RABGEF1: variants seen among roughly 807,000 people sequenced by gnomAD.
RABGEF1 encodes the protein RAB guanine nucleotide exchange factor 1, also known as rab5 GDP/GTP exchange factor.
A neutral mutation model predicts 57.3 loss-of-function variants in RABGEF1; 26 were observed. The ratio of observed to expected loss-of-function variants is 0.45; its 90% CI spans 0.33 to 0.63. RABGEF1 has a LOEUF of 0.63. Among genes scored for constraint, RABGEF1 ranks in the 20% least tolerant of loss-of-function variants. The probability of loss-of-function intolerance (pLI) is 0.02; values close to 1 mark genes in which losing one functional copy is unlikely to be tolerated. For missense variants in RABGEF1, 464 were observed against 607.6 expected, an observed-to-expected ratio of 0.76 and a Z score of 2.48; for synonymous variants, 185 against 210.7, an observed-to-expected ratio of 0.88 and a Z score of 1.06.
At chr7:66,781,064 C>A (rs1183397548) in intron 3 of RABGEF1, among the ~76,000 whole-genome samples, 1 of 151,930 alleles carries the variant, frequency 6.6e-6, no homozygotes, top group African/African-American at 2.4e-5. Flanking sequence ...AAGGTTTACC[C>A]CTGCCATCTT....
intron 3 of RABGEF1, among the ~76,000 whole-genome samples, chr7:66,779,417 C>T (rs1239096438): frequency 6.6e-6 from 1 of 151,252 alleles, no homozygotes; most frequent in Non-Finnish European, 1.5e-5. Context: ...GGCAGGAGAA[C>T]TGTTTGAACC....
intron 2 of RABGEF1, among the ~76,000 whole-genome samples, chr7:66,721,227 G>A (rs1205790763): frequency 2.0e-5 from 3 of 152,154 alleles, no homozygotes; most frequent in Non-Finnish European, 4.4e-5. Flanking sequence ...CCAAAAGAAA[G>A]CCATTAATAA....
intron 1 of RABGEF1, among the ~76,000 whole-genome samples, chr7:66,750,420 A>C (rs2129060439): frequency 6.6e-6 from 1 of 152,292 alleles, no homozygotes; most frequent in African/African-American, 2.4e-5. Context: ...TGTTGAGTAG[A>C]TATTACTTTC....
At chr7:66,807,346 C>A (rs1359626908) in intron 8 of RABGEF1, among the ~76,000 whole-genome samples, 1 of 152,228 alleles carries the variant, frequency 6.6e-6, no homozygotes, top group Non-Finnish European at 1.5e-5. Flanking sequence ...TCCTTCGCTT[C>A]TCATAGCACT....
chr7:66,775,230 C>G lies in RABGEF1; in HGVS notation c.183C>G (p.Leu61=), dbSNP rs764063500. 1.2e-6 allele frequency: 2 copies of G among 1,612,270 alleles called. No homozygotes were observed. Among genetic ancestry groups the G allele is most frequent in the East Asian group, 2.2e-5 (1 of 44,856 alleles). Residue 61 remains leucine, a synonymous_variant, in exon 3 of 9, where the codon CTC becomes CTG. Transcript: ENST00000284957. ...CTAATCCTCTCTTGAATTGCAGACT[C>G]CAGCGGGAGGAAGAAGAGGCCTTTG... ...IQEDWELAER[L]QREEEEAFAS... is the part of the protein sequence containing the mutation.
chr7:66,707,077 G>T (rs142233426), intron 1 of RABGEF1, among the ~76,000 whole-genome samples: 2 of 152,254 alleles, frequency 1.3e-5, no homozygotes, highest in African/African-American at 4.8e-5. Context: ...GAGCCACCGC[G>T]CCCGGCCCGT....
At chr7:66,770,246 T>C (rs1360607942) in intron 1 of RABGEF1, 1 of 152,222 alleles carries the variant, frequency 6.6e-6, no homozygotes, top group African/African-American at 2.4e-5. Context: ...GATATAGGGC[T>C]TAATTTTATC....
the RABGEF1 span, among the ~76,000 whole-genome samples, chr7:66,657,833 T>G: frequency 1.3e-5 from 2 of 151,160 alleles, no homozygotes; most frequent in Admixed American, 1.3e-4. Flanking sequence ...AAAAAATCAA[T>G]AAAAATAAAA....
chr7:66,774,218 C>T (rs1807958573), intron 2 of RABGEF1, among the ~76,000 whole-genome samples: 1 of 152,164 alleles, frequency 6.6e-6, no homozygotes, highest in Non-Finnish European at 1.5e-5. Context: ...TTGAATTTTA[C>T]CTTTTGTACT....
chr7:66,705,170 G>T (rs1793829594), intron 1 of RABGEF1, among the ~76,000 whole-genome samples: 1 of 152,118 alleles, frequency 6.6e-6, no homozygotes, highest in African/African-American at 2.4e-5. Flanking sequence ...GGAGGCCGAG[G>T]CAGGCATATC....
intron 6 of RABGEF1, among the ~76,000 whole-genome samples, chr7:66,798,662 CCTCAG>C (rs1786596525): frequency 6.6e-6 from 1 of 152,128 alleles, no homozygotes; most frequent in Non-Finnish European, 1.5e-5. Flanking sequence ...CTCCAGTGTG[CCTCAG>C]AAGTTGAGGG....
chr7:66,687,482 C>T (rs1043271937), intron 1 of RABGEF1, among the ~76,000 whole-genome samples: 3 of 86,928 alleles, frequency 3.5e-5, no homozygotes, highest in Non-Finnish European at 7.5e-5. Flanking sequence ...GTTGTTTAAG[C>T]CAAAAAAAAA....
In RABGEF1 at chr7:66,809,276, G is replaced by A; in HGVS notation, c.1468G>A (p.Ala490Thr). Residue 490 changes from alanine to threonine, a missense_variant, in exon 9 of 9, where the codon GCA becomes ACA. By Grantham distance (58) the Ala-to-Thr change is moderately conservative (BLOSUM62 0). Coordinates refer to ENST00000284957, the MANE Select transcript of RABGEF1 (RefSeq NM_014504.3). ...LPPPLQPQVY[A>T]G ...TCCACCACTGCAACCTCAAGTTTAT[G>A]CAGGATGATCACAATTTAGTGGAGA... is the stretch of plus-strand genomic sequence containing the variant. The A allele has an allele frequency of 6.2e-7, 1 of 1,606,784 alleles. No homozygotes were observed. Among genetic ancestry groups the A allele is most frequent in the Non-Finnish European group, 8.5e-7 (1 of 1,175,068 alleles).
chr7:66,764,674 A>G (rs1805261100), intron 1 of RABGEF1, among the ~76,000 whole-genome samples: 3 of 152,200 alleles, frequency 2.0e-5, no homozygotes, highest in Admixed American at 6.5e-5. Flanking sequence ...GTTCTTTTGC[A>G]TGTGGCTATC....
chr7:66,717,370 G>C (rs574758015), intron 2 of RABGEF1, among the ~76,000 whole-genome samples: 55 of 152,246 alleles, frequency 3.6e-4, no homozygotes, highest in African/African-American at 1.3e-3. Context: ...TATAAACATT[G>C]AAATTCCATT....
chr7:66,773,475 C>T (rs1205950107), intron 2 of RABGEF1, among the ~76,000 whole-genome samples: 7 of 152,166 alleles, frequency 4.6e-5, no homozygotes, highest in Admixed American at 4.6e-4. Flanking sequence ...AATTGTGACC[C>T]TGCTAAATCT....
At chr7:66,715,082 T>A (rs541199693) in intron 2 of RABGEF1, among the ~76,000 whole-genome samples, 5 of 151,690 alleles carry the variant, frequency 3.3e-5, no homozygotes, top group Non-Finnish European at 7.4e-5. Context: ...TCTTTCTCTT[T>A]CTCCTCCTTC....
chr7:66,788,138 TGCA>T (rs1241795648), intron 4 of RABGEF1, among the ~76,000 whole-genome samples: 1 of 152,196 alleles, frequency 6.6e-6, no homozygotes, highest in African/African-American at 2.4e-5. Flanking sequence ...TGTTGGGTAT[TGCA>T]GTAGTGCTTT....
At chr7:66,746,190 A>G (rs760938245) in intron 1 of RABGEF1, among the ~76,000 whole-genome samples, 41 of 152,166 alleles carry the variant, frequency 2.7e-4, no homozygotes, top group Non-Finnish European at 2.9e-5. Flanking sequence ...AGCTCCTAAA[A>G]TGCTTTAGGA....
Sources: allele counts gnomAD v4.1 joint callset (sites outside exome capture counted in the v4.1 genomes callset), GRCh38; gene constraint gnomAD v4.1.1; transcripts MANE v1.5; gene names NCBI Gene and HGNC (gene_info 2026-07-23, HGNC 2026-07-21).